Variants in PTPRD observed in about 807,000 individuals in gnomAD.
PTPRD encodes the protein receptor-type tyrosine-protein phosphatase delta.
PTPRD carries 34 observed loss-of-function variants against 214.5 expected under a neutral mutation model. The ratio of observed to expected loss-of-function variants is 0.16; its 90% CI spans 0.12 to 0.21. PTPRD has a LOEUF of 0.21. Among genes scored for constraint, PTPRD ranks in the 10% least tolerant of loss-of-function variants. The pLI is 1.00. For missense variants in PTPRD, 2,545 were observed against 2,398.7 expected (o/e 1.06, Z -1.27); for synonymous variants, 1,128 against 845.7 (o/e 1.33, Z -5.79).
intron 4 of PTPRD, among the ~76,000 whole-genome samples, chr9:9,985,165 A>G (rs59987118): frequency 0.044 from 6,655 of 152,296 alleles, 503 homozygotes; most frequent in African/African-American, 0.15. Flanking sequence ...GGTTACAACT[A>G]CGTCTTCTCC....
chr9:8,676,203 C>T lies in PTPRD; in HGVS notation c.65-39359G>A, dbSNP rs561530855. Among the ~76,000 whole-genome samples, 3 of 152,250 alleles carry T rather than the reference C, an allele frequency of 2.0e-5. No individual in the cohort carries two copies. The South Asian group carries it at 6.2e-4, about 32-fold the overall frequency. On this transcript the variant is annotated intron_variant, in intron 12 of 45. Coordinates refer to ENST00000381196, the MANE Select transcript of PTPRD (RefSeq NM_002839.4). ...GCTCACTTTCTAGACCTCCTTTAAG[C>T]ATCACCTTCTTCATGAAGCAGTTTC...
chr9:9,997,957 A>C (rs1325925633), intron 4 of PTPRD, among the ~76,000 whole-genome samples: 1 of 151,680 alleles, frequency 6.6e-6, no homozygotes, highest in Non-Finnish European at 1.5e-5. Context: ...CATGAATGAC[A>C]CACCTGGTGA....
intron 5 of PTPRD, among the ~76,000 whole-genome samples, chr9:9,893,841 G>C (rs916453938): frequency 6.6e-6 from 1 of 151,890 alleles, no homozygotes; most frequent in Non-Finnish European, 1.5e-5. Context: ...TTTTTTTAGA[G>C]ACAAGATCTT....
chr9:9,542,946 G>A (rs954214276), intron 8 of PTPRD, among the ~76,000 whole-genome samples: 12 of 151,610 alleles, frequency 7.9e-5, no homozygotes, highest in African/African-American at 2.7e-4. Flanking sequence ...CCTACTCAGC[G>A]TTTTCTAGCA....
At chr9:9,790,829 A>G (rs1479259161) in intron 5 of PTPRD, among the ~76,000 whole-genome samples, 1 of 152,168 alleles carries the variant, frequency 6.6e-6, no homozygotes, top group Non-Finnish European at 1.5e-5. Context: ...GTATGACAAT[A>G]GGCAATAAAT....
In PTPRD at chr9:8,427,380, T is replaced by C. The variant is rs529021512; in HGVS notation, c.4086+9212A>G. Among the ~76,000 whole-genome samples the C allele has an allele frequency of 1.3e-4, 20 of 152,284 alleles. 1 individual carries two copies. The highest frequency in any genetic ancestry group is 4.6e-4 in the African/African-American group (19 of 41,564). On this transcript the variant is annotated intron_variant, in intron 35 of 45. Transcript: ENST00000381196. ...TTCTTCTGTTTGCTCCTGTTGTTGA[T>C]ACTAGCAATTTTGATCACAACAAAG...
chr9:9,754,406 A>G (rs775563388), intron 6 of PTPRD, among the ~76,000 whole-genome samples: 3 of 152,062 alleles, frequency 2.0e-5, no homozygotes, highest in African/African-American at 7.2e-5. Flanking sequence ...TGAAATGTTT[A>G]TTCTGACTTA....
chr9:8,838,247 TAA>T (rs150807119), intron 11 of PTPRD, among the ~76,000 whole-genome samples: 2 of 147,318 alleles, frequency 1.4e-5, no homozygotes, highest in East Asian at 2.0e-4. Context: ...GACTTCAAAT[TAA>T]AAAAAAAAGA....
At chr9:9,283,512 C>A (rs959485909) in intron 9 of PTPRD, among the ~76,000 whole-genome samples, 1 of 151,114 alleles carries the variant, frequency 6.6e-6, no homozygotes, top group Non-Finnish European at 1.5e-5. Context: ...AGAAAGTATC[C>A]AACTGCTAGG....
At chr9:8,513,046 T>C (rs1592435407) in intron 21 of PTPRD, among the ~76,000 whole-genome samples, 1 of 152,026 alleles carries the variant, frequency 6.6e-6, no homozygotes. Flanking sequence ...TTAATATAAA[T>C]ACTTTCCTTG....
intron 3 of PTPRD, among the ~76,000 whole-genome samples, chr9:10,233,962 A>G (rs1594933106): frequency 6.6e-6 from 1 of 151,730 alleles, no homozygotes; most frequent in East Asian, 2.0e-4. Context: ...ATTCTTAATA[A>G]CCACCCAGAA....
intron 14 of PTPRD, among the ~76,000 whole-genome samples, chr9:8,537,257 G>A (rs892803957): frequency 1.3e-5 from 2 of 151,670 alleles, no homozygotes; most frequent in African/African-American, 4.8e-5. Context: ...GAAATGTTAC[G>A]CATATGAATA....
At chr9:9,669,037 T>A (rs1163395289) in intron 7 of PTPRD, among the ~76,000 whole-genome samples, 1 of 152,180 alleles carries the variant, frequency 6.6e-6, no homozygotes, top group Admixed American at 6.5e-5. Context: ...AAGGGTAATT[T>A]TTTTTGGCTT....
chr9:8,897,046 A>G lies in PTPRD; in HGVS notation c.-104+121651T>C, dbSNP rs188601871. ...GGAGAAACTTTAATATATCTACAAT[A>G]CTGTGAAATACATCAGGATAAATTA... On this transcript the variant is annotated intron_variant, in intron 11 of 45. Transcript: ENST00000381196. 2.0e-5 allele frequency among the ~76,000 whole-genome samples: 3 copies of G among 152,352 alleles called. No homozygotes were observed. In the East Asian group the frequency reaches 5.8e-4, roughly 29 times the overall value.
chr9:8,951,805 G>A (rs1286442815), intron 11 of PTPRD, among the ~76,000 whole-genome samples: 1 of 151,930 alleles, frequency 6.6e-6, no homozygotes, highest in African/African-American at 2.4e-5. Context: ...GAATCATTTT[G>A]TTTCTCTAAT....
At chr9:9,033,700 C>G (rs1569478625) in intron 10 of PTPRD, among the ~76,000 whole-genome samples, 1 of 152,102 alleles carries the variant, frequency 6.6e-6, no homozygotes, top group African/African-American at 2.4e-5. Context: ...CTCTGTCTCT[C>G]TCTATCTCTG....
intron 14 of PTPRD, 31 bp from the exon 15 acceptor site, chr9:8,528,810 G>A (rs1241899737): frequency 6.2e-7 from 1 of 1,603,742 alleles, no homozygotes; most frequent in South Asian, 1.1e-5. Flanking sequence ...GAAACATTCA[G>A]TTAATAAGTC....
At position 10,137,618 on chromosome 9, in the gene PTPRD, G is replaced by T. The variant is rs2098951486; in HGVS notation, c.-544-103828C>A. ...CTAATGCTAGATGACACATTAGTGG[G>T]TGCAGCGCACCAGCATGGCACATGT... is the stretch of plus-strand genomic sequence containing the variant. On this transcript the variant is annotated intron_variant, in intron 3 of 45. Transcript: ENST00000381196. 2.5e-5 allele frequency among the ~76,000 whole-genome samples: 2 copies of T among 78,718 alleles called. 1 individual carries two copies. Among genetic ancestry groups the T allele is most frequent in the African/African-American group, 1.1e-4 (2 of 17,908 alleles). 51.6% of individuals were successfully genotyped at this position (78,718 alleles called of 152,430 possible).
chr9:9,703,667 C>A (rs1451384717), intron 7 of PTPRD, among the ~76,000 whole-genome samples: 1 of 152,050 alleles, frequency 6.6e-6, no homozygotes, highest in African/African-American at 2.4e-5. Flanking sequence ...TTGTTCTGTA[C>A]AGTTTACCTC....
Sources: allele counts gnomAD v4.1 joint callset (sites outside exome capture counted in the v4.1 genomes callset), GRCh38; gene constraint gnomAD v4.1.1; transcripts MANE v1.5; gene names NCBI Gene and HGNC (gene_info 2026-07-23, HGNC 2026-07-21).